The following PREP variants were observed in gnomAD, a reference collection of about 807,000 sequenced individuals.
PREP encodes the protein dJ355L5.1 (prolyl endopeptidase).
Under a neutral mutation model 87.6 loss-of-function variants are expected in PREP, and 29 were observed. The ratio of observed to expected loss-of-function variants is 0.33; its 90% confidence interval spans 0.25 to 0.45. The LOEUF (loss-of-function observed/expected upper bound fraction) is 0.45, where lower values mean the gene tolerates loss of function less well. Among genes scored for constraint, PREP ranks in the 20% least tolerant of loss-of-function variants. The probability of loss-of-function intolerance (pLI) is 1.00; values close to 1 mark genes in which losing one functional copy is unlikely to be tolerated. For synonymous variants in PREP, 337 were observed against 328.6 expected, an observed-to-expected ratio of 1.03 and a Z score of -0.28; for missense variants, 695 against 886.5, an observed-to-expected ratio of 0.78 and a Z score of 2.74.
At chr6:105,402,264 C>G (rs1255200182) in intron 1 of PREP, among the ~76,000 whole-genome samples, 2 of 152,190 alleles carry the variant, frequency 1.3e-5, no homozygotes, top group Non-Finnish European at 2.9e-5. Flanking sequence ...CATTTCTGTC[C>G]GGGTCTCTGG....
chr6:105,322,001 G>A (rs1372818189), intron 10 of PREP, among the ~76,000 whole-genome samples: 1 of 151,990 alleles, frequency 6.6e-6, no homozygotes, highest in Non-Finnish European at 1.5e-5. Flanking sequence ...TCCTTGCTGG[G>A]GATACCCAGG....
rs1771248715 is a variant in PREP at position 105,329,008 on chromosome 6, C to T, written c.1034G>A (p.Arg345Lys). 3 of 1,613,704 alleles carry T rather than the reference C, an allele frequency of 1.9e-6. No homozygotes were observed. Residue 345 changes from arginine to lysine, a missense_variant, in exon 9 of 15, where the codon AGG (arginine) becomes AAG (lysine). Arg to Lys is a conservative substitution (Grantham distance 26). Coordinates refer to ENST00000652536, the MANE Select transcript of PREP (RefSeq NM_002726.5). Reference protein sequence around the residue: ...KDVLEWIACVRSNFLVLCYLH... With the variant: ...KDVLEWIACVKSNFLVLCYLH... The stretch of plus-strand genomic sequence containing the variant: ...GTAGCATAAGACCAAGAAGTTGGAC[C>T]TGACACAAGCTATCCATTCTGAAAG...
chr6:105,314,345 A>G lies in PREP; in HGVS notation c.1317+9320T>C, dbSNP rs146891855. ...CCACTGGTTGACTCCTCCTTTCATG[A>G]AAGACTTCTGTAACATGCAATGCTG... On this transcript the variant is annotated intron_variant, in intron 10 of 14. Coordinates refer to ENST00000652536, the MANE Select transcript of PREP (RefSeq NM_002726.5). Among the ~76,000 whole-genome samples the G allele has an allele frequency of 3.0e-4, 45 of 152,338 alleles. 1 individual carries two copies. The highest frequency in any genetic ancestry group is 9.6e-4 in the African/African-American group (40 of 41,584).
chr6:105,383,035 C>G (rs1772888156), intron 2 of PREP, among the ~76,000 whole-genome samples: 1 of 152,104 alleles, frequency 6.6e-6, no homozygotes, highest in Non-Finnish European at 1.5e-5. Context: ...AATGACTCTC[C>G]AAGTACAGGG....
chr6:105,363,013 TAAGTC>T (rs1772294866), intron 6 of PREP, among the ~76,000 whole-genome samples: 1 of 152,176 alleles, frequency 6.6e-6, no homozygotes, highest in African/African-American at 2.4e-5. Context: ...ATGCCTACTA[TAAGTC>T]AAGCATCAGG....
At chr6:105,358,149 GACTTA>G (rs1312676553) in intron 6 of PREP, among the ~76,000 whole-genome samples, 2 of 151,684 alleles carry the variant, frequency 1.3e-5, no homozygotes, top group African/African-American at 2.4e-5. Flanking sequence ...AAGTAAAAAT[GACTTA>G]ACTTCATAAA....
At chr6:105,296,792 T>C (rs1306393945) in intron 10 of PREP, among the ~76,000 whole-genome samples, 1 of 152,256 alleles carries the variant, frequency 6.6e-6, no homozygotes, top group African/African-American at 2.4e-5. Flanking sequence ...ACCTTCCTAA[T>C]TGATCCATTA....
chr6:105,369,636 C>A (rs1168155598), intron 5 of PREP, among the ~76,000 whole-genome samples: 4 of 152,144 alleles, frequency 2.6e-5, no homozygotes, highest in Non-Finnish European at 4.4e-5. Context: ...GAAAGAGAGC[C>A]TAGTAGCCTT....
In PREP at chr6:105,390,626, T is replaced by C. The variant is rs1773116327; in HGVS notation, c.120+7227A>G. ...GTGTATTTCTTCTTCAGCAACTCAG[T>C]AACAACTTCTAGAACATTCAGCTAA... On this transcript the variant is annotated intron_variant, in intron 2 of 14. Transcript: ENST00000652536. Among the ~76,000 whole-genome samples, 3 of 152,204 alleles carry C rather than the reference T, an allele frequency of 2.0e-5. No individual in the cohort carries two copies. In the South Asian group the frequency reaches 6.2e-4, roughly 32 times the overall value.
chr6:105,313,427 G>A (rs1484450730), intron 10 of PREP, among the ~76,000 whole-genome samples: 1 of 152,206 alleles, frequency 6.6e-6, no homozygotes, highest in Admixed American at 6.5e-5. Context: ...AAAAACAGTT[G>A]AGTTTTGCTG....
At chr6:105,327,382 T>C (rs1771193489) in intron 9 of PREP, among the ~76,000 whole-genome samples, 1 of 152,174 alleles carries the variant, frequency 6.6e-6, no homozygotes, top group South Asian at 2.1e-4. Context: ...CCTTGCATGG[T>C]TTCCACATTC....
rs1220897087 is a variant in PREP at position 105,376,144 on chromosome 6, A to G, written c.366T>C (p.Asp122=). 2 of 1,613,640 alleles carry G rather than the reference A, an allele frequency of 1.2e-6. No individual in the cohort carries two copies. Among genetic ancestry groups the G allele is most frequent in the African/African-American group, 2.7e-5 (2 of 74,912 alleles). The change falls in exon 4 of 15, where the codon GAT becomes GAC. Residue 122 remains aspartate (D), a synonymous_variant. Transcript: ENST00000652536. ...VFLDPNILSD[D]GTVALRGYAF... The stretch of plus-strand genomic sequence containing the variant: ...ACTTACCTCGGAGTGCCACTGTGCC[A>G]TCGTCAGACAGTATGTTGGGGTCCA...
chr6:105,352,435 A>G (rs1290254907), intron 7 of PREP, among the ~76,000 whole-genome samples: 10 of 152,208 alleles, frequency 6.6e-5, no homozygotes. Context: ...CTAAGTACTG[A>G]GGGCCACTCT....
intron 10 of PREP, among the ~76,000 whole-genome samples, chr6:105,300,137 T>C (rs1297299880): frequency 6.6e-6 from 1 of 152,234 alleles, no homozygotes; most frequent in Admixed American, 6.5e-5. Flanking sequence ...CTTTCAGTGA[T>C]CTGCCCATCT....
intron 4 of PREP, among the ~76,000 whole-genome samples, chr6:105,375,512 G>C (rs1772665985): frequency 6.6e-6 from 1 of 152,176 alleles, no homozygotes; most frequent in South Asian, 2.1e-4. Flanking sequence ...CTACGGAGGA[G>C]GTTATCTTAG....
At position 105,385,997 on chromosome 6, in the gene PREP, G is replaced by A. The variant is rs574480144; in HGVS notation, c.121-8478C>T. On this transcript the variant is annotated intron_variant, in intron 2 of 14. Transcript: ENST00000652536. ...TAGCTGGGCGTGGTGGCGCATGCCT[G>A]TAATCCCAGCTACTCGGGAGGCTGA... Among the ~76,000 whole-genome samples the A allele has an allele frequency of 1.4e-4, 21 of 152,202 alleles. 1 individual carries two copies. The highest frequency in any genetic ancestry group is 2.8e-4 in the Non-Finnish European group (19 of 68,046).
chr6:105,281,909 G>T lies in PREP; in HGVS notation c.1682-7C>A. 1 of 1,612,062 alleles carries T rather than the reference G, an allele frequency of 6.2e-7. No individual in the cohort carries two copies. The highest frequency in any genetic ancestry group is 1.7e-5 in the Admixed American group (1 of 59,558). ...CTCTGATTTGCACAAGCAGCTAAAA[G>T]CCCAACGTAGAAAGAAAAGGGAGGC... is the stretch of plus-strand genomic sequence containing the variant. On this transcript the variant is annotated splice_polypyrimidine_tract_variant and splice_region_variant and intron_variant, in intron 13 of 14. Coordinates refer to ENST00000652536, the MANE Select transcript of PREP (RefSeq NM_002726.5).
chr6:105,343,008 C>T (rs1007343370), intron 7 of PREP, among the ~76,000 whole-genome samples: 3 of 152,146 alleles, frequency 2.0e-5, no homozygotes, highest in Non-Finnish European at 4.4e-5. Context: ...ACTTTCTTCA[C>T]AGAATTGGAA....
intron 10 of PREP, chr6:105,302,930 T>C: frequency 8.9e-6 from 2 of 223,744 alleles, no homozygotes; most frequent in Non-Finnish European, 9.1e-6. Flanking sequence ...AAAGTCATTG[T>C]AGCTACCTCT....
Sources: gnomAD v4.1 joint callset for allele counts (sites outside exome capture counted in the v4.1 genomes callset) on GRCh38, gnomAD v4.1.1 for gene constraint, MANE v1.5 for transcripts, NCBI Gene and HGNC (gene_info 2026-07-23, HGNC 2026-07-21) for gene names.